LIN28B: variants seen among roughly 807,000 people sequenced by gnomAD.
LIN28B encodes the protein lin-28 RNA binding posttranscriptional regulator B, also known as protein lin-28 homolog B.
LIN28B carries 5 observed loss-of-function variants against 21.9 expected under a neutral mutation model. That is an observed-to-expected ratio of 0.23 (90% CI 0.12 to 0.48). The LOEUF (loss-of-function observed/expected upper bound fraction) is 0.48. LIN28B is among the 20% of genes least tolerant of loss of function. The probability of loss-of-function intolerance (pLI) is 0.98; values close to 1 mark genes in which losing one functional copy is unlikely to be tolerated. For missense variants in LIN28B, 245 were observed against 310.5 expected (o/e 0.79, Z 1.58); for synonymous variants, 109 against 111.3 (o/e 0.98, Z 0.13).
chr6:105,049,572 T>A (rs1472483492), intron 3 of LIN28B, among the ~76,000 whole-genome samples: 1 of 152,160 alleles, frequency 6.6e-6, no homozygotes, highest in Non-Finnish European at 1.5e-5. Context: ...ACTTTCTGTC[T>A]CGTTGATCTG....
intron 3 of LIN28B, among the ~76,000 whole-genome samples, chr6:105,066,775 G>A (rs1298285610): frequency 6.6e-6 from 1 of 151,562 alleles, no homozygotes; most frequent in Non-Finnish European, 1.5e-5. Flanking sequence ...AAAATTTCTT[G>A]TGCTCTGGTC....
intron 2 of LIN28B, among the ~76,000 whole-genome samples, chr6:104,964,725 T>G (rs767804373): frequency 3.9e-5 from 6 of 152,326 alleles, no homozygotes; most frequent in Middle Eastern, 6.8e-3. Context: ...GATCTTTTAA[T>G]GAGTAGTTTA....
At chr6:105,038,320 A>T (rs1047895952) in intron 3 of LIN28B, among the ~76,000 whole-genome samples, 1 of 152,172 alleles carries the variant, frequency 6.6e-6, no homozygotes, top group Non-Finnish European at 1.5e-5. Flanking sequence ...AGGGAATTCC[A>T]AAAAGCCAGG....
chr6:104,972,877 G>A (rs1268549291), intron 2 of LIN28B, among the ~76,000 whole-genome samples: 2 of 152,152 alleles, frequency 1.3e-5, no homozygotes, highest in African/African-American at 4.8e-5. Context: ...TTAGGAGGCT[G>A]AGGTGGGCGG....
chr6:105,005,787 A>C (rs758735838), intron 2 of LIN28B, among the ~76,000 whole-genome samples: 19 of 152,212 alleles, frequency 1.2e-4, no homozygotes, highest in Non-Finnish European at 2.6e-4. Context: ...TCTTTATAGC[A>C]GTGTGAGAAT....
intron 2 of LIN28B, among the ~76,000 whole-genome samples, chr6:104,997,549 C>G (rs1238303761): frequency 4.0e-5 from 6 of 151,584 alleles, no homozygotes; most frequent in South Asian, 2.1e-4. Flanking sequence ...ACCCGCCCCC[C>G]CCCGCCACAC....
chr6:104,946,911 G>A (rs1400558222), intron 2 of LIN28B, among the ~76,000 whole-genome samples: 1 of 152,204 alleles, frequency 6.6e-6, no homozygotes, highest in East Asian at 1.9e-4. Context: ...TTCTGGAGAT[G>A]AGAATAAGTA....
intron 2 of LIN28B, among the ~76,000 whole-genome samples, chr6:104,943,012 A>G (rs1028768063): frequency 1.3e-5 from 2 of 151,954 alleles, no homozygotes; most frequent in African/African-American, 4.8e-5. Context: ...CAGAAACAAT[A>G]AAAAGTTTGT....
Position 105,079,155 on chromosome 6 carries a change from C to T in LIN28B, c.*372C>T, listed in dbSNP as rs1772491347. 1 of 160,526 alleles carries T rather than the reference C, an allele frequency of 6.2e-6. No homozygotes were observed. Among genetic ancestry groups the T allele is most frequent in the Non-Finnish European group, 1.4e-5 (1 of 73,234 alleles). The allele number at this position is 160,526 out of a possible 1,614,324, so 9.9% of individuals were successfully genotyped here. Reference sequence around the variant, plus strand: ...CCCTCTCTCATATAATTGGATATTTCCAAGAATTGAAAACCCATGTGAAGC... The same window carrying T: ...CCCTCTCTCATATAATTGGATATTTTCAAGAATTGAAAACCCATGTGAAGC... On this transcript the variant is annotated 3_prime_UTR_variant, in exon 4 of 4. Coordinates refer to ENST00000345080, the MANE Select transcript of LIN28B (RefSeq NM_001004317.4).
At chr6:105,024,860 A>G (rs997393674) in intron 2 of LIN28B, among the ~76,000 whole-genome samples, 1 of 152,198 alleles carries the variant, frequency 6.6e-6, no homozygotes, top group African/African-American at 2.4e-5. Flanking sequence ...TTCTGGTCCA[A>G]TATTTCTCTA....
At chr6:104,944,129 AT>A (rs11285463) in intron 2 of LIN28B, among the ~76,000 whole-genome samples, 71,230 of 151,068 alleles carry the variant, frequency 0.47, 18,494 homozygotes, top group East Asian at 0.69. Context: ...TATTTCATAA[AT>A]TTTTTTTTTG....
chr6:105,024,070 C>G (rs1278064909), intron 2 of LIN28B, among the ~76,000 whole-genome samples: 1 of 152,028 alleles, frequency 6.6e-6, no homozygotes, highest in Non-Finnish European at 1.5e-5. Flanking sequence ...CTCACTGCAA[C>G]CTCCGCCTCC....
At chr6:105,052,599 T>C (rs1273677353) in intron 3 of LIN28B, among the ~76,000 whole-genome samples, 1 of 152,218 alleles carries the variant, frequency 6.6e-6, no homozygotes, top group African/African-American at 2.4e-5. Context: ...TACTGCTTCA[T>C]TGAAGATCAA....
intron 2 of LIN28B, among the ~76,000 whole-genome samples, chr6:104,965,759 T>G (rs1377470022): frequency 6.6e-6 from 1 of 152,204 alleles, no homozygotes; most frequent in African/African-American, 2.4e-5. Flanking sequence ...TATTTTGGTT[T>G]TAATAATTGT....
At chr6:105,006,603 C>T (rs1029994430) in intron 2 of LIN28B, among the ~76,000 whole-genome samples, 3 of 152,122 alleles carry the variant, frequency 2.0e-5, no homozygotes, top group Non-Finnish European at 4.4e-5. Flanking sequence ...TGAGCCACCG[C>T]GCCCAGCCTA....
chr6:104,960,599 T>C (rs1769720249), intron 2 of LIN28B, among the ~76,000 whole-genome samples: 1 of 152,038 alleles, frequency 6.6e-6, no homozygotes, highest in Admixed American at 6.6e-5. Flanking sequence ...TGGAAGTACA[T>C]GTGTCACTGG....
At chr6:104,947,811 C>G (rs1778174688) in intron 2 of LIN28B, among the ~76,000 whole-genome samples, 1 of 148,230 alleles carries the variant, frequency 6.7e-6, no homozygotes, top group Non-Finnish European at 1.5e-5. Flanking sequence ...TAGGAATAAT[C>G]AACCTCGGTA....
chr6:104,945,843 C>G (rs140420389), intron 2 of LIN28B, among the ~76,000 whole-genome samples: 2 of 152,116 alleles, frequency 1.3e-5, no homozygotes, highest in East Asian at 3.9e-4. Flanking sequence ...TGCCTTTAAA[C>G]AATTTTGAAA....
In LIN28B at chr6:105,082,808, TATG is replaced by T. The variant is rs1410850782; in HGVS notation, c.*4028_*4030del. ...TAAAGTACTGTACTGTGAGAAGTAT[TATG>T]ATATTTAATGCATCTGTGGCTTAAC... On this transcript the variant is annotated 3_prime_UTR_variant, in exon 4 of 4. Transcript: ENST00000345080. 6.6e-6 allele frequency: 1 copy of T among 152,644 alleles called. No individual in the cohort carries two copies. 9.5% of individuals were successfully genotyped at this position (152,644 alleles called of 1,614,324 possible). A position where few individuals can be genotyped will look rare whatever the true frequency, so the allele number is the denominator to read the frequency against.
Sources: allele counts gnomAD v4.1 joint callset (sites outside exome capture counted in the v4.1 genomes callset), GRCh38; gene constraint gnomAD v4.1.1; transcripts MANE v1.5; gene names NCBI Gene and HGNC (gene_info 2026-07-23, HGNC 2026-07-21).